CYP2C19: variants seen among roughly 807,000 people sequenced by gnomAD.
CYP2C19 encodes cytochrome P450 2C19.
CYP2C19 carries 59 observed loss-of-function variants against 40.9 expected under a neutral mutation model. The observed-to-expected ratio is 1.44, with a 90% CI of 1.17 to 1.79. The LOEUF is 1.79. CYP2C19 is among the 40% of genes most tolerant of loss of function. The probability of loss-of-function intolerance (pLI) is 0.00; values close to 1 mark genes in which losing one functional copy is unlikely to be tolerated. For missense variants in CYP2C19, 754 were observed against 596.9 expected, an observed-to-expected ratio of 1.26 and a Z score of -2.74; for synonymous variants, 253 against 208.7, an observed-to-expected ratio of 1.21 and a Z score of -1.83.
intron 1 of CYP2C19, among the ~76,000 whole-genome samples, chr10:94,772,098 T>G (rs1466532755): frequency 1.3e-5 from 2 of 152,062 alleles, no homozygotes; most frequent in African/African-American, 4.8e-5. Flanking sequence ...GCCCCAAAAA[T>G]GAAATGGAGG....
intron 5 of CYP2C19, among the ~76,000 whole-genome samples, chr10:94,799,953 C>A (rs527943007): frequency 1.4e-4 from 22 of 152,142 alleles, no homozygotes; most frequent in Middle Eastern, 3.4e-3. Flanking sequence ...AGAACATGCT[C>A]CTTTAGCTTG....
intron 6 of CYP2C19, among the ~76,000 whole-genome samples, chr10:94,841,276 C>G (rs917330779): frequency 6.6e-6 from 1 of 152,218 alleles, no homozygotes; most frequent in Non-Finnish European, 1.5e-5. Context: ...CATGCAGGAA[C>G]AATGGCAAGA....
intron 5 of CYP2C19, among the ~76,000 whole-genome samples, chr10:94,810,169 G>A (rs764305172): frequency 1.6e-4 from 24 of 151,950 alleles, no homozygotes; most frequent in Non-Finnish European, 3.5e-4. Flanking sequence ...CGTGAGCCAC[G>A]TCGCCCGGCC....
intron 6 of CYP2C19, among the ~76,000 whole-genome samples, chr10:94,842,557 GCTTCTCTTC>G (rs1467709787): frequency 6.6e-6 from 1 of 151,190 alleles, no homozygotes; most frequent in Non-Finnish European, 1.5e-5. Flanking sequence ...TGTTTTGTGG[GCTTCTCTTC>G]CTTCTTTCAT....
intron 6 of CYP2C19, among the ~76,000 whole-genome samples, chr10:94,821,490 A>T (rs1849120824): frequency 6.6e-6 from 1 of 152,206 alleles, no homozygotes; most frequent in Admixed American, 6.5e-5. Context: ...GAGAAAGTTG[A>T]TTCTGTTTAC....
chr10:94,839,875 G>A lies in CYP2C19; in HGVS notation c.962-2962G>A, dbSNP rs540488855. Among the ~76,000 whole-genome samples, 6 of 152,294 alleles carry A rather than the reference G, an allele frequency of 3.9e-5. No homozygotes were observed. The East Asian group carries it at 1.2e-3, about 29-fold the overall frequency. On this transcript the variant is annotated intron_variant, in intron 6 of 8. Coordinates refer to ENST00000371321, the MANE Select transcript of CYP2C19 (RefSeq NM_000769.4). ...AATTAAGATTTAAATCCCTGTTAGG[G>A]AATCTGCTGGGTTAAGGGAATTATC...
At chr10:94,812,298 C>T (rs1472278834) in intron 5 of CYP2C19, among the ~76,000 whole-genome samples, 1 of 152,110 alleles carries the variant, frequency 6.6e-6, no homozygotes, top group Admixed American at 6.5e-5. Context: ...TTTCTGGCTT[C>T]CCTTAACATT....
In CYP2C19 at chr10:94,812,627, T is replaced by C. The variant is rs969057487; in HGVS notation, c.820-7869T>C. 2.0e-3 allele frequency among the ~76,000 whole-genome samples: 307 copies of C among 152,060 alleles called. 1 individual carries two copies. Among genetic ancestry groups the C allele is most frequent in the Non-Finnish European group, 3.6e-3 (245 of 67,816 alleles). ...TTCACATTTTATTTCATTAAGTTGA[T>C]CTTGAATCTCTGATATCCTTTCTTC... On this transcript the variant is annotated intron_variant, in intron 5 of 8. Transcript: ENST00000371321.
chr10:94,846,473 C>A (rs957587677), intron 7 of CYP2C19, among the ~76,000 whole-genome samples: 1 of 152,114 alleles, frequency 6.6e-6, no homozygotes, highest in Non-Finnish European at 1.5e-5. Flanking sequence ...TGAAGGAGTT[C>A]TGCTTTTATG....
chr10:94,808,319 A>G (rs913420583), intron 5 of CYP2C19, among the ~76,000 whole-genome samples: 1 of 152,082 alleles, frequency 6.6e-6, no homozygotes, highest in Non-Finnish European at 1.5e-5. Flanking sequence ...CACAGAAGGT[A>G]TATATATTTG....
rs534698455 is a variant in CYP2C19 at position 94,816,389 on chromosome 10, G to A, written c.820-4107G>A. ...CAACATAAACATTTTAGGAACAGTA[G>A]TATCAAAAGTGAGTGCTAATTAGAG... On this transcript the variant is annotated intron_variant, in intron 5 of 8. Coordinates refer to ENST00000371321, the MANE Select transcript of CYP2C19 (RefSeq NM_000769.4). Among the ~76,000 whole-genome samples, 473 of 151,966 alleles carry A rather than the reference G, an allele frequency of 3.1e-3. 3 individuals carry two copies. The highest frequency in any genetic ancestry group is 0.011 in the African/African-American group (450 of 41,462).
chr10:94,826,088 G>A (rs1415435713), intron 6 of CYP2C19, among the ~76,000 whole-genome samples: 2 of 152,100 alleles, frequency 1.3e-5, no homozygotes, highest in African/African-American at 4.8e-5. Flanking sequence ...AAGTCAGGTA[G>A]TGTGATGCCT....
chr10:94,831,243 T>G (rs772269324), intron 6 of CYP2C19, among the ~76,000 whole-genome samples: 1 of 152,234 alleles, frequency 6.6e-6, no homozygotes, highest in Non-Finnish European at 1.5e-5. Flanking sequence ...AACTCCATTG[T>G]GTATATGTAC....
At chr10:94,849,317 TTTTATTTA>T (rs199951526) in intron 7 of CYP2C19, among the ~76,000 whole-genome samples, 2 of 151,840 alleles carry the variant, frequency 1.3e-5, no homozygotes, top group Non-Finnish European at 2.9e-5. Context: ...GTTGTGGGCA[TTTTATTTA>T]TTTATTTATT....
intron 5 of CYP2C19, among the ~76,000 whole-genome samples, chr10:94,785,714 A>G (rs945903578): frequency 6.6e-6 from 1 of 152,154 alleles, no homozygotes; most frequent in Non-Finnish European, 1.5e-5. Context: ...GGCAAAGAGC[A>G]TCGCGTAAAA....
chr10:94,842,942 A>C lies in CYP2C19; in HGVS notation c.1067A>C (p.Gln356Pro), dbSNP rs371241592. The change falls in exon 7 of 9, where the codon CAG (glutamine) becomes CCG (proline). Residue 356 changes from glutamine to proline, a missense_variant. By Grantham distance (76) the Gln-to-Pro change is moderately conservative (BLOSUM62 -1). Coordinates refer to ENST00000371321, the MANE Select transcript of CYP2C19 (RefSeq NM_000769.4). ...ACAGATGCTGTGGTGCACGAGGTCCAGAGATACATCGACCTCATCCCCACC... is the reference window on the plus strand; with the variant it reads ...ACAGATGCTGTGGTGCACGAGGTCCCGAGATACATCGACCTCATCCCCACC... ...PYTDAVVHEV[Q>P]RYIDLIPTSL... is the part of the protein sequence containing the mutation. The C allele has an allele frequency of 1.9e-6, 3 of 1,614,122 alleles. No individual in the cohort carries two copies. Among genetic ancestry groups the C allele is most frequent in the Non-Finnish European group, 2.5e-6 (3 of 1,180,052 alleles).
chr10:94,775,193 C>G lies in CYP2C19; in HGVS notation c.304C>G (p.Leu102Val), dbSNP rs759673891. Residue 102 changes from leucine to valine, a missense_variant, in exon 2 of 9, where the codon CTG (leucine) becomes GTG (valine). Physicochemically the swap from Leu to Val is conservative, Grantham distance 32. Coordinates refer to ENST00000371321, the MANE Select transcript of CYP2C19 (RefSeq NM_000769.4). ...GTTTTCTGGAAGAGGCCATTTCCCA[C>G]TGGCTGAAAGAGCTAACAGAGGATT... is the stretch of plus-strand genomic sequence containing the variant. ...EEFSGRGHFP[L>V]AERANRGFGI... 6.2e-7 allele frequency: 1 copy of G among 1,614,104 alleles called. No individual in the cohort carries two copies. The highest frequency in any genetic ancestry group is 1.1e-5 in the South Asian group (1 of 91,080).
At chr10:94,810,211 C>A (rs990228721) in intron 5 of CYP2C19, among the ~76,000 whole-genome samples, 2 of 152,302 alleles carry the variant, frequency 1.3e-5, no homozygotes, top group Admixed American at 6.5e-5. Context: ...GTTGAACGAG[C>A]CTTGCATCCC....
At position 94,830,623 on chromosome 10, in the gene CYP2C19, A is replaced by G. The variant is rs566655427; in HGVS notation, c.961+9986A>G. ...GCAGAAATCACCCATCTTCTGCGTC[A>G]CTCATGCTGGGAGCTGTAGACCAGA... On this transcript the variant is annotated intron_variant, in intron 6 of 8. Coordinates refer to ENST00000371321, the MANE Select transcript of CYP2C19 (RefSeq NM_000769.4). Among the ~76,000 whole-genome samples the G allele has an allele frequency of 3.1e-3, 473 of 151,944 alleles. 3 individuals are homozygous for G. The highest frequency in any genetic ancestry group is 0.011 in the African/African-American group (450 of 41,418).
Sources: allele counts gnomAD v4.1 joint callset (sites outside exome capture counted in the v4.1 genomes callset), GRCh38; gene constraint gnomAD v4.1.1; transcripts MANE v1.5; gene names NCBI Gene and HGNC (gene_info 2026-07-23, HGNC 2026-07-21).